KPNA4: variants seen among roughly 807,000 people sequenced by gnomAD.
KPNA4 encodes karyopherin subunit alpha 4.
In KPNA4, 13 loss-of-function variants were observed where a neutral mutation model predicts 71.3. The ratio of observed to expected loss-of-function variants is 0.18; its 90% CI spans 0.12 to 0.29. KPNA4 has a LOEUF of 0.29. Ranked by LOEUF, KPNA4 falls within the 10% of genes least tolerant of loss-of-function variation. The pLI, the probability that KPNA4 is intolerant of heterozygous loss-of-function variation, is 1.00. For missense variants in KPNA4, 334 were observed against 603.2 expected, an observed-to-expected ratio of 0.55 and a Z score of 4.67; for synonymous variants, 189 against 195.2, an observed-to-expected ratio of 0.97 and a Z score of 0.26.
intron 1 of KPNA4, among the ~76,000 whole-genome samples, chr3:160,558,450 G>A (rs1722181020): frequency 6.6e-6 from 1 of 152,196 alleles, no homozygotes. Context: ...CTTTATGCTA[G>A]GCATTGTTAA....
rs763584630 is a variant in KPNA4 at position 160,521,754 on chromosome 3, A to G, written c.903+25T>C. ...AAGCAATTAGTGGTAAGAAATACTT[A>G]TAATTTAACTAAGAACAAACTTACC... On this transcript the variant is annotated intron_variant, in intron 11 of 16. Coordinates refer to ENST00000334256, the MANE Select transcript of KPNA4 (RefSeq NM_002268.5). 5 of 1,604,806 alleles carry G rather than the reference A, an allele frequency of 3.1e-6. No homozygotes were observed. In the African/African-American group the frequency reaches 4.0e-5, roughly 13 times the overall value.
intron 8 of KPNA4, among the ~76,000 whole-genome samples, chr3:160,526,394 A>G (rs1721462027): frequency 1.3e-5 from 2 of 152,192 alleles, no homozygotes; most frequent in South Asian, 4.1e-4. Flanking sequence ...GGTTTAACAA[A>G]CTTTCATGTG....
chr3:160,515,768 C>A (rs917887861), intron 11 of KPNA4, among the ~76,000 whole-genome samples, 188 bp from the exon 12 acceptor site: 1 of 151,996 alleles, frequency 6.6e-6, no homozygotes, highest in Non-Finnish European at 1.5e-5. Context: ...CAGTGCACGA[C>A]CCTGTCCGGC....
chr3:160,553,852 A>ATACT (rs1722086509), intron 1 of KPNA4, among the ~76,000 whole-genome samples: 1 of 152,200 alleles, frequency 6.6e-6, no homozygotes. Context: ...TTAAGGTGTA[A>ATACT]TACTCATTGT....
chr3:160,522,046 T>G (rs1411040906), intron 10 of KPNA4, 136 bp from the exon 11 acceptor site: 1 of 704,444 alleles, frequency 1.4e-6, no homozygotes, highest in Non-Finnish European at 2.3e-6. Flanking sequence ...CATTGGAATC[T>G]GATCGCTACG....
chr3:160,529,502 A>G (rs528973049), intron 7 of KPNA4, among the ~76,000 whole-genome samples: 3 of 152,336 alleles, frequency 2.0e-5, no homozygotes, highest in African/African-American at 4.8e-5. Flanking sequence ...ATATTACAAC[A>G]TAAGTGTCTA....
chr3:160,499,520 A>T lies in KPNA4; in HGVS notation c.*2584T>A, dbSNP rs557428477. On this transcript the variant is annotated 3_prime_UTR_variant, in exon 17 of 17. Coordinates refer to ENST00000334256, the MANE Select transcript of KPNA4 (RefSeq NM_002268.5). ...AAAAGTGTTTAACCAGGTAACCGTG[A>T]TGAACTGTCAACTGTACTGAATCAA... The T allele has an allele frequency of 6.6e-6, 1 of 152,058 alleles. No individual in the cohort carries two copies. Among genetic ancestry groups the T allele is most frequent in the South Asian group, 2.1e-4 (1 of 4,818 alleles). 9.4% of individuals were successfully genotyped at this position (152,058 alleles called of 1,614,324 possible).
intron 1 of KPNA4, among the ~76,000 whole-genome samples, chr3:160,553,465 TAGCAGCTGAC>T (rs1722079415): frequency 1.3e-5 from 2 of 152,208 alleles, no homozygotes; most frequent in African/African-American, 2.4e-5. Flanking sequence ...AAATAAAACT[TAGCAGCTGAC>T]AGCAGCTGGC....
chr3:160,538,879 T>A (rs751333118), intron 1 of KPNA4, among the ~76,000 whole-genome samples: 6 of 152,220 alleles, frequency 3.9e-5, no homozygotes, highest in Non-Finnish European at 7.3e-5. Flanking sequence ...TCAATTTTTT[T>A]AGCCATACTA....
intron 11 of KPNA4, among the ~76,000 whole-genome samples, chr3:160,518,129 G>GT (rs747779915): frequency 0.037 from 5,138 of 139,004 alleles, 292 homozygotes; most frequent in African/African-American, 0.12. Context: ...TCTATTCTGA[G>GT]TTTTTTTTTT....
intron 13 of KPNA4, 30 bp downstream of exon 13, chr3:160,514,047 T>C (rs1186123043): frequency 1.5e-6 from 2 of 1,311,810 alleles, no homozygotes; most frequent in Non-Finnish European, 2.1e-6. Flanking sequence ...TTACATCAGA[T>C]AAATGATACA....
intron 6 of KPNA4, among the ~76,000 whole-genome samples, 197 bp from the exon 7 acceptor site, chr3:160,531,137 G>A (rs1050131885): frequency 5.3e-5 from 8 of 151,988 alleles, no homozygotes; most frequent in Non-Finnish European, 8.8e-5. Flanking sequence ...ACCTCCTCCA[G>A]CATCCTGATT....
At position 160,495,236 on chromosome 3, in the gene KPNA4, A is replaced by G. The variant is rs1319866585; in HGVS notation, c.*6868T>C. The G allele has an allele frequency of 6.6e-6, 1 of 152,242 alleles. No homozygotes were observed. The highest frequency in any genetic ancestry group is 2.4e-5 in the African/African-American group (1 of 41,468). The allele number at this position is 152,242 out of a possible 1,614,324, so 9.4% of individuals were successfully genotyped here. On this transcript the variant is annotated 3_prime_UTR_variant, in exon 17 of 17. Transcript: ENST00000334256. ...AAAATGAGGGTTAATGGGGATGGCA[A>G]GGATGATAGGTAGGCCTGGATATAC...
Position 160,501,294 on chromosome 3 carries a change from G to T in KPNA4, c.*810C>A, listed in dbSNP as rs1329241706. 1 of 121,178 alleles carries T rather than the reference G, an allele frequency of 8.3e-6. No homozygotes were observed. Among genetic ancestry groups the T allele is most frequent in the Non-Finnish European group, 1.8e-5 (1 of 56,516 alleles). 7.5% of individuals were successfully genotyped at this position (121,178 alleles called of 1,614,324 possible). On this transcript the variant is annotated 3_prime_UTR_variant, in exon 17 of 17. Coordinates refer to ENST00000334256, the MANE Select transcript of KPNA4 (RefSeq NM_002268.5). ...AAATAAAAACTAAAAAAAAAGAAAA[G>T]AAAAGCAAAAAAGAAAAAAAAAAGG...
intron 1 of KPNA4, among the ~76,000 whole-genome samples, chr3:160,540,895 T>C (rs1721785522): frequency 6.6e-6 from 1 of 152,232 alleles, no homozygotes; most frequent in Admixed American, 6.5e-5. Flanking sequence ...AGGTATTTTA[T>C]ATTTCTTTGC....
chr3:160,539,849 T>C (rs930715946), intron 1 of KPNA4, among the ~76,000 whole-genome samples: 4 of 152,140 alleles, frequency 2.6e-5, no homozygotes, highest in Non-Finnish European at 5.9e-5. Context: ...TTAACTTCTT[T>C]TCATTAGAGC....
At chr3:160,535,032 T>G (rs1415738775) in intron 5 of KPNA4, among the ~76,000 whole-genome samples, 1 of 152,078 alleles carries the variant, frequency 6.6e-6, no homozygotes, top group Non-Finnish European at 1.5e-5. Context: ...GTCATTAATC[T>G]TAATCTACAT....
At chr3:160,554,899 A>G (rs1478280682) in intron 1 of KPNA4, among the ~76,000 whole-genome samples, 1 of 152,210 alleles carries the variant, frequency 6.6e-6, no homozygotes, top group Non-Finnish European at 1.5e-5. Context: ...ATCAGCAAAC[A>G]TAAGGAGAGT....
At chr3:160,518,197 G>A (rs1021949839) in intron 11 of KPNA4, among the ~76,000 whole-genome samples, 8 of 149,908 alleles carry the variant, frequency 5.3e-5, no homozygotes, top group Admixed American at 3.3e-4. Flanking sequence ...GCGCGATCTC[G>A]GCTCACTGCA....
Sources: allele counts gnomAD v4.1 joint callset (sites outside exome capture counted in the v4.1 genomes callset), GRCh38; gene constraint gnomAD v4.1.1; transcripts MANE v1.5; gene names NCBI Gene and HGNC (gene_info 2026-07-23, HGNC 2026-07-21).